Variants in FRMD4A observed in about 807,000 individuals in gnomAD.
FRMD4A encodes FERM domain-containing protein 4A.
In FRMD4A, 29 loss-of-function variants were observed where a neutral mutation model predicts 129.1. The observed-to-expected ratio is 0.22, with a 90% CI of 0.17 to 0.31. The LOEUF (loss-of-function observed/expected upper bound fraction) is 0.31. FRMD4A is among the 10% of genes least tolerant of loss of function. The pLI is 1.00. For missense variants in FRMD4A, 1,272 were observed against 1,375.8 expected, an observed-to-expected ratio of 0.92 and a Z score of 1.19; for synonymous variants, 634 against 571.6, an observed-to-expected ratio of 1.11 and a Z score of -1.56.
intron 13 of FRMD4A, 81 bp downstream of exon 13, chr10:13,706,956 A>G: frequency 2.6e-6 from 2 of 775,708 alleles, no homozygotes; most frequent in Non-Finnish European, 4.7e-6. Context: ...ACCATGAACA[A>G]CGACAGCCCC....
chr10:13,660,247 G>T, intron 20 of FRMD4A, 69 bp downstream of exon 20: 1 of 992,170 alleles, frequency 1.0e-6, no homozygotes, highest in Non-Finnish European at 1.6e-6. Context: ...ATGCTACTTG[G>T]GACGGCCCTT....
chr10:14,127,980 T>TCTC (rs1554766246), intron 2 of FRMD4A, among the ~76,000 whole-genome samples: 263 of 19,280 alleles, frequency 0.014, 12 homozygotes, highest in South Asian at 0.016. Flanking sequence ...CTTTCTTTCC[T>TCTC]TCTCTCTCTC....
chr10:13,968,452 C>T (rs536385272), intron 2 of FRMD4A, among the ~76,000 whole-genome samples: 43 of 152,302 alleles, frequency 2.8e-4, no homozygotes, highest in African/African-American at 8.9e-4. Context: ...TCACATCCAT[C>T]GCTTATTTTA....
rs774297140 is a variant in FRMD4A at position 13,740,302 on chromosome 10, CTAGT to C, written c.615-55_615-52del. The C allele has an allele frequency of 1.7e-5, 21 of 1,259,974 alleles. No homozygotes were observed. In the East Asian group the frequency reaches 4.9e-4, roughly 29 times the overall value. The allele number at this position is 1,259,974 out of a possible 1,614,324, so 78.0% of individuals were successfully genotyped here. On this transcript the variant is annotated intron_variant, in intron 10 of 24. Transcript: ENST00000357447. ...AAACACACACACAATGCGCAAAAGG[CTAGT>C]TATTCAGCAGATCTGGTATCATATA...
chr10:13,925,566 C>CTTTTTTTTTTTTTTTTTTTTT lies in FRMD4A; in HGVS notation c.46-66675_46-66655dup, dbSNP rs66980805. 1.9e-4 allele frequency among the ~76,000 whole-genome samples: 12 copies of CTTTTTTTTTTTTTTTTTTTTT among 61,946 alleles called. 5 individuals are homozygous for CTTTTTTTTTTTTTTTTTTTTT. Among genetic ancestry groups the CTTTTTTTTTTTTTTTTTTTTT allele is most frequent in the South Asian group, 1.8e-3 (2 of 1,100 alleles). 40.6% of individuals were successfully genotyped at this position (61,946 alleles called of 152,430 possible). A position where few individuals can be genotyped will look rare whatever the true frequency, so the allele number is the denominator to read the frequency against. On this transcript the variant is annotated intron_variant, in intron 2 of 24. Transcript: ENST00000357447. ...TGAAAGTTTCTATTGTAGTGAAACGCTTTTTTTTTTTTTTTTTTTTTTTTT... is the reference window on the plus strand; with the variant it reads ...TGAAAGTTTCTATTGTAGTGAAACGCTTTTTTTTTTTTTTTTTTTTTTTTTTTTTTTTTTTTTTTTTTTTTT...
intron 2 of FRMD4A, among the ~76,000 whole-genome samples, chr10:14,051,648 G>C (rs902119288): frequency 6.6e-6 from 1 of 152,192 alleles, no homozygotes; most frequent in African/African-American, 2.4e-5. Context: ...GCAGTGACAG[G>C]TGACAGGCTC....
rs59451379 is a variant in FRMD4A, at chr10:13,708,580, T to C, written c.760-1467A>G. On this transcript the variant is annotated intron_variant, in intron 12 of 24. Transcript: ENST00000357447. The stretch of plus-strand genomic sequence containing the variant: ...CCCAAGGAAATTGTATTTTTCTTTC[T>C]TGTTAAGCATCAACTCCAGGTGGGT... Among the ~76,000 whole-genome samples, 829 of 152,366 alleles carry C rather than the reference T, an allele frequency of 5.4e-3. 7 individuals are homozygous for C. Among genetic ancestry groups the C allele is most frequent in the African/African-American group, 0.019 (790 of 41,586 alleles).
intron 2 of FRMD4A, among the ~76,000 whole-genome samples, chr10:14,090,842 GTTTGTT>G (rs1564281607): frequency 6.6e-6 from 1 of 152,146 alleles, no homozygotes; most frequent in African/African-American, 2.4e-5. Flanking sequence ...TTAATTTTAT[GTTTGTT>G]TTTATTTTTT....
At chr10:14,196,585 A>T (rs1397975016) in intron 2 of FRMD4A, among the ~76,000 whole-genome samples, 1 of 152,228 alleles carries the variant, frequency 6.6e-6, no homozygotes, top group Non-Finnish European at 1.5e-5. Flanking sequence ...CCAAAACAAT[A>T]CTTTCTACAT....
At chr10:14,271,623 G>A (rs1336668381) in intron 2 of FRMD4A, among the ~76,000 whole-genome samples, 1 of 152,168 alleles carries the variant, frequency 6.6e-6, no homozygotes, top group Non-Finnish European at 1.5e-5. Flanking sequence ...GTCATTCAAG[G>A]ACCCACTGTC....
chr10:14,112,136 T>A (rs1411189828), intron 2 of FRMD4A, among the ~76,000 whole-genome samples: 1 of 152,090 alleles, frequency 6.6e-6, no homozygotes, highest in Non-Finnish European at 1.5e-5. Flanking sequence ...GTGAGCAGAC[T>A]CATTTGTCAG....
chr10:14,058,284 C>A (rs962779805), intron 2 of FRMD4A, among the ~76,000 whole-genome samples: 1 of 152,134 alleles, frequency 6.6e-6, no homozygotes, highest in African/African-American at 2.4e-5. Flanking sequence ...TTGAGTTACA[C>A]ACCTATTGCT....
At position 14,108,199 on chromosome 10, in the gene FRMD4A, G is replaced by A. The variant is rs553998562; in HGVS notation, c.45+221859C>T. Among the ~76,000 whole-genome samples, 25 of 152,178 alleles carry A rather than the reference G, an allele frequency of 1.6e-4. No homozygotes were observed. In the Middle Eastern group the frequency reaches 0.01, roughly 62 times the overall value. ...AATTGGCATTTCTCTTACTATTAGC[G>A]AGACCAGCATCTTTCTTAAGTTTCA... On this transcript the variant is annotated intron_variant, in intron 2 of 24. Transcript: ENST00000357447.
intron 2 of FRMD4A, among the ~76,000 whole-genome samples, chr10:14,126,631 C>G (rs1838857854): frequency 6.6e-6 from 1 of 152,200 alleles, no homozygotes; most frequent in Non-Finnish European, 1.5e-5. Context: ...AATACGTCTT[C>G]CCTTTAGTTA....
At chr10:13,890,543 C>T in intron 2 of FRMD4A, 1 of 980,736 alleles carries the variant, frequency 1.0e-6, no homozygotes, top group Non-Finnish European at 1.2e-6. Context: ...CAGATGTATT[C>T]CCGATAGAAC....
chr10:14,068,568 C>T lies in FRMD4A; in HGVS notation c.46-209656G>A, dbSNP rs538115625. ...TACTTGGAGTTCTTAGCCTTGGTAT[C>T]TGAAAAAGGTTATGGGGATTGGGAG... is the stretch of plus-strand genomic sequence containing the variant. On this transcript the variant is annotated intron_variant, in intron 2 of 24. Coordinates refer to ENST00000357447, the MANE Select transcript of FRMD4A (RefSeq NM_018027.5). Among the ~76,000 whole-genome samples the T allele has an allele frequency of 2.6e-5, 4 of 152,118 alleles. No individual in the cohort carries two copies. The East Asian group carries it at 7.7e-4, about 29-fold the overall frequency.
intron 5 of FRMD4A, among the ~76,000 whole-genome samples, chr10:13,792,283 G>A (rs1045278158): frequency 6.6e-6 from 1 of 152,158 alleles, no homozygotes; most frequent in Non-Finnish European, 1.5e-5. Context: ...AGAGGGCTGG[G>A]GTCGCCGCAT....
intron 2 of FRMD4A, among the ~76,000 whole-genome samples, chr10:13,902,855 A>ACAAC: frequency 6.8e-6 from 1 of 146,168 alleles, no homozygotes; most frequent in East Asian, 2.0e-4. Context: ...AAAAAAAAAA[A>ACAAC]AACAACAACA....
At chr10:13,707,852 G>C in intron 12 of FRMD4A, 1 of 985,046 alleles carries the variant, frequency 1.0e-6, no homozygotes, top group Non-Finnish European at 1.2e-6. Flanking sequence ...GAATGAAGGG[G>C]CCCTGGCGGT....
Sources: gnomAD v4.1 joint callset for allele counts (sites outside exome capture counted in the v4.1 genomes callset) on GRCh38, gnomAD v4.1.1 for gene constraint, MANE v1.5 for transcripts, NCBI Gene and HGNC (gene_info 2026-07-23, HGNC 2026-07-21) for gene names.